Variants in FBXO42 observed in about 807,000 individuals in gnomAD.
FBXO42 encodes F-box protein 42.
FBXO42 carries 12 observed loss-of-function variants against 71.7 expected under a neutral mutation model. The observed-to-expected ratio is 0.17, with a 90% CI of 0.11 to 0.27. FBXO42 has a LOEUF of 0.27. FBXO42 is among the 10% of genes least tolerant of loss of function. The pLI is 1.00. For synonymous variants in FBXO42, 325 were observed against 327.5 expected (o/e 0.99, Z 0.08); for missense variants, 707 against 911.9 (o/e 0.78, Z 2.89).
At chr1:16,320,413 C>G (rs1343701450) in intron 1 of FBXO42, among the ~76,000 whole-genome samples, 1 of 149,918 alleles carries the variant, frequency 6.7e-6, no homozygotes, top group Non-Finnish European at 1.5e-5. Context: ...GAAAAAATAT[C>G]ACTTCCCATA....
chr1:16,275,443 C>T (rs1019661122), intron 4 of FBXO42, among the ~76,000 whole-genome samples: 1 of 152,042 alleles, frequency 6.6e-6, no homozygotes, highest in Non-Finnish European at 1.5e-5. Context: ...TACAGTGAGA[C>T]GCTGTCTCTA....
chr1:16,297,720 A>C (rs1000457517), intron 3 of FBXO42, among the ~76,000 whole-genome samples: 1 of 150,868 alleles, frequency 6.6e-6, no homozygotes, highest in African/African-American at 2.4e-5. Flanking sequence ...AAAAAAAATT[A>C]GCCGGGCGTG....
At chr1:16,265,985 G>A (rs949959366) in intron 4 of FBXO42, among the ~76,000 whole-genome samples, 6 of 151,962 alleles carry the variant, frequency 3.9e-5, no homozygotes, top group Admixed American at 3.3e-4. Flanking sequence ...AAATAGAACT[G>A]TTACTCTAGT....
intron 1 of FBXO42, among the ~76,000 whole-genome samples, chr1:16,328,963 G>C (rs1292612494): frequency 6.6e-6 from 1 of 151,964 alleles, no homozygotes; most frequent in Non-Finnish European, 1.5e-5. Flanking sequence ...AGGGGTTCGA[G>C]ACAAGCCTGA....
At chr1:16,340,132 TGCCA>T (rs940038614) in intron 1 of FBXO42, among the ~76,000 whole-genome samples, 24 of 151,518 alleles carry the variant, frequency 1.6e-4, no homozygotes, top group African/African-American at 5.6e-4. Context: ...GCCGTGATCG[TGCCA>T]CTGCACTCCA....
chr1:16,278,028 T>C (rs1460406880), intron 4 of FBXO42, among the ~76,000 whole-genome samples: 17 of 144,062 alleles, frequency 1.2e-4, no homozygotes, highest in African/African-American at 4.4e-4. Context: ...GGTGATGGAG[T>C]GACACCCTGT....
intron 4 of FBXO42, 47 bp downstream of exon 4, chr1:16,294,736 A>C: frequency 6.3e-7 from 1 of 1,597,548 alleles, no homozygotes; most frequent in East Asian, 2.2e-5. Context: ...TTCCATGCCA[A>C]GGGAGTCACC....
chr1:16,329,906 G>GC (rs2082482893), intron 1 of FBXO42, among the ~76,000 whole-genome samples: 1 of 150,960 alleles, frequency 6.6e-6, no homozygotes, highest in Non-Finnish European at 1.5e-5. Flanking sequence ...CCAAGATCTT[G>GC]CCATTGCACT....
chr1:16,319,279 A>G (rs911473048), intron 1 of FBXO42, among the ~76,000 whole-genome samples: 2 of 152,154 alleles, frequency 1.3e-5, no homozygotes, highest in African/African-American at 4.8e-5. Context: ...CCTCATCTCT[A>G]CCACTGCAGT....
At chr1:16,317,029 C>T (rs2082373777) in intron 1 of FBXO42, among the ~76,000 whole-genome samples, 1 of 152,140 alleles carries the variant, frequency 6.6e-6, no homozygotes, top group Non-Finnish European at 1.5e-5. Flanking sequence ...GCCTGTAATC[C>T]CAACACTTTG....
chr1:16,278,608 AG>A (rs1399565202), intron 4 of FBXO42, among the ~76,000 whole-genome samples: 1 of 152,132 alleles, frequency 6.6e-6, no homozygotes, highest in Non-Finnish European at 1.5e-5. Flanking sequence ...ATATTACCAC[AG>A]GCTCAGGGAA....
intron 4 of FBXO42, among the ~76,000 whole-genome samples, chr1:16,258,982 C>T (rs534573984): frequency 2.0e-5 from 3 of 152,266 alleles, no homozygotes; most frequent in Admixed American, 6.5e-5. Context: ...TCAAGCGATC[C>T]TCCCGCCTCA....
At chr1:16,267,503 C>T (rs1417471809) in intron 4 of FBXO42, among the ~76,000 whole-genome samples, 4 of 152,130 alleles carry the variant, frequency 2.6e-5, no homozygotes, top group Admixed American at 1.3e-4. Context: ...AAGCCATCCA[C>T]GGAAGCCAAA....
intron 1 of FBXO42, among the ~76,000 whole-genome samples, chr1:16,319,011 C>T (rs2082392467): frequency 6.6e-6 from 1 of 152,148 alleles, no homozygotes; most frequent in African/African-American, 2.4e-5. Flanking sequence ...TTTTTTAATA[C>T]ATTTATTTCT....
chr1:16,311,279 C>CCAGCATGA (rs1404555333), intron 2 of FBXO42, among the ~76,000 whole-genome samples: 2 of 149,540 alleles, frequency 1.3e-5, no homozygotes, highest in Non-Finnish European at 3.0e-5. Context: ...GAGTTCAGGA[C>CCAGCATGA]CAGCATGAGC....
chr1:16,326,013 T>TG (rs2082445346), intron 1 of FBXO42, among the ~76,000 whole-genome samples: 4 of 116,712 alleles, frequency 3.4e-5, no homozygotes, highest in Non-Finnish European at 5.2e-5. Context: ...AGTGCCCAAA[T>TG]TTGTGTGTGT....
chr1:16,273,181 C>T (rs2081863762), intron 4 of FBXO42, among the ~76,000 whole-genome samples: 1 of 152,120 alleles, frequency 6.6e-6, no homozygotes, highest in South Asian at 2.1e-4. Flanking sequence ...GTTAAACAAC[C>T]GGTAACCAGC....
intron 4 of FBXO42, among the ~76,000 whole-genome samples, chr1:16,258,549 G>A (rs980595883): frequency 7.2e-5 from 11 of 151,980 alleles, no homozygotes; most frequent in African/African-American, 2.7e-4. Flanking sequence ...TAGTGATGGG[G>A]ACTCCCTGCA....
chr1:16,256,881 T>A, intron 4 of FBXO42, 122 bp from the exon 5 acceptor site: 1 of 964,304 alleles, frequency 1.0e-6, no homozygotes, highest in Non-Finnish European at 1.5e-6. Context: ...CTACAAAGTG[T>A]AGAGGAAAGG....
Sources: gnomAD v4.1 joint callset for allele counts (sites outside exome capture counted in the v4.1 genomes callset) on GRCh38, gnomAD v4.1.1 for gene constraint, MANE v1.5 for transcripts, NCBI Gene and HGNC (gene_info 2026-07-23, HGNC 2026-07-21) for gene names.